PRTFDC1: variants seen among roughly 807,000 people sequenced by gnomAD.
The protein encoded by PRTFDC1 is phosphoribosyl transferase domain containing 1.
In PRTFDC1, 38 loss-of-function variants were observed where a neutral mutation model predicts 34.6. The ratio of observed to expected loss-of-function variants is 1.10; its 90% confidence interval spans 0.85 to 1.44. The LOEUF (loss-of-function observed/expected upper bound fraction) is 1.44, where lower values mean the gene tolerates loss of function less well. Among genes scored for constraint, PRTFDC1 ranks in the 40% most tolerant of loss-of-function variants. The pLI is 0.00. For synonymous variants in PRTFDC1, 93 were observed against 98.1 expected (o/e 0.95, Z 0.31); for missense variants, 270 against 283.0 (o/e 0.95, Z 0.33).
At position 24,952,522 on chromosome 10, in the gene PRTFDC1, A is replaced by G. The variant is rs1285557826; in HGVS notation, c.48+6T>C. The G allele has an allele frequency of 1.3e-6, 2 of 1,584,792 alleles. No individual in the cohort carries two copies. The highest frequency in any genetic ancestry group is 1.8e-5 in the Admixed American group (1 of 56,164). On this transcript the variant is annotated splice_donor_region_variant and intron_variant, in intron 1 of 8. Coordinates refer to ENST00000320152, the MANE Select transcript of PRTFDC1 (RefSeq NM_020200.7). This position sits in a 1 kb window ranked among gnomAD's most constrained non-coding sequence, Gnocchi z 5.1. ...CCGAGCCCCAAAATAGGGAGTTTGC[A>G]TTTACCACGACGCCTCGCCCGTAGT...
intron 3 of PRTFDC1, among the ~76,000 whole-genome samples, chr10:24,934,833 C>T (rs777923961): frequency 2.0e-4 from 31 of 152,212 alleles, no homozygotes; most frequent in Admixed American, 3.9e-4. Context: ...TCACAGGTTA[C>T]TTGTCACTCA....
At chr10:24,908,648 C>G (rs775817532) in intron 3 of PRTFDC1, 1 of 1,611,408 alleles carries the variant, frequency 6.2e-7, no homozygotes, top group Non-Finnish European at 8.5e-7. Context: ...CAGTCCTCCT[C>G]TATCACAGAT....
intron 3 of PRTFDC1, among the ~76,000 whole-genome samples, chr10:24,876,991 T>C (rs1384200907): frequency 6.6e-6 from 1 of 152,102 alleles, no homozygotes; most frequent in Non-Finnish European, 1.5e-5. Context: ...GCTTCTCCAT[T>C]CAAAGGCTTT....
intron 3 of PRTFDC1, among the ~76,000 whole-genome samples, chr10:24,877,998 G>C (rs893162209): frequency 3.3e-5 from 5 of 152,064 alleles, no homozygotes; most frequent in Non-Finnish European, 7.4e-5. Context: ...TTCCCAAAGA[G>C]AGCTGGGTGT....
intron 3 of PRTFDC1, among the ~76,000 whole-genome samples, chr10:24,925,321 G>C (rs922837723): frequency 1.3e-5 from 2 of 152,286 alleles, no homozygotes; most frequent in Admixed American, 1.3e-4. Flanking sequence ...GCCTGTGGAG[G>C]GGGTGTCGGG....
At chr10:24,893,541 C>T (rs1043430024) in intron 3 of PRTFDC1, among the ~76,000 whole-genome samples, 1 of 152,156 alleles carries the variant, frequency 6.6e-6, no homozygotes, top group Non-Finnish European at 1.5e-5. Flanking sequence ...AACTCCTGGC[C>T]TCAAGTGATC....
intron 3 of PRTFDC1, among the ~76,000 whole-genome samples, chr10:24,899,747 C>G (rs548164780): frequency 4.0e-4 from 61 of 152,264 alleles, no homozygotes; most frequent in African/African-American, 1.4e-3. Flanking sequence ...ATAATAGAGA[C>G]AGATGACAAT....
intron 3 of PRTFDC1, among the ~76,000 whole-genome samples, chr10:24,933,495 T>C (rs1848999583): frequency 6.6e-6 from 1 of 152,146 alleles, no homozygotes; most frequent in Admixed American, 6.6e-5. Context: ...TGTAACTATG[T>C]TCAAATCATC....
intron 3 of PRTFDC1, among the ~76,000 whole-genome samples, chr10:24,913,795 G>A (rs574374690): frequency 4.5e-4 from 69 of 152,174 alleles, no homozygotes; most frequent in Admixed American, 7.9e-4. Context: ...TAAAGGTCAG[G>A]AAACACACAA....
intron 3 of PRTFDC1, among the ~76,000 whole-genome samples, chr10:24,912,937 CAA>C (rs1445072333): frequency 5.3e-5 from 8 of 152,134 alleles, no homozygotes. Flanking sequence ...CCTTTCCACT[CAA>C]AAACTTCCAA....
chr10:24,906,456 C>T (rs1848536975), intron 3 of PRTFDC1, among the ~76,000 whole-genome samples: 2 of 152,116 alleles, frequency 1.3e-5, no homozygotes, highest in South Asian at 2.1e-4. Flanking sequence ...CATTTGAATG[C>T]TTACATCACA....
chr10:24,944,885 C>T (rs912852216), intron 1 of PRTFDC1, among the ~76,000 whole-genome samples: 4 of 152,142 alleles, frequency 2.6e-5, no homozygotes, highest in Non-Finnish European at 5.9e-5. Flanking sequence ...AGACCAGAGT[C>T]CTCACTGTGG....
intron 1 of PRTFDC1, among the ~76,000 whole-genome samples, chr10:24,950,043 CTT>C (rs1323428756): frequency 6.6e-6 from 1 of 152,092 alleles, no homozygotes; most frequent in Non-Finnish European, 1.5e-5. Context: ...CCTCTACTCT[CTT>C]GATACCCCTC....
At chr10:24,888,517 A>T (rs1848208015) in intron 3 of PRTFDC1, among the ~76,000 whole-genome samples, 1 of 152,216 alleles carries the variant, frequency 6.6e-6, no homozygotes, top group African/African-American at 2.4e-5. Context: ...GGAGTGAATT[A>T]AGGACAAAAC....
intron 3 of PRTFDC1, among the ~76,000 whole-genome samples, chr10:24,900,784 A>ATGT (rs1848437355): frequency 1.3e-5 from 2 of 152,240 alleles, no homozygotes; most frequent in Non-Finnish European, 2.9e-5. Context: ...TTAGAATTAA[A>ATGT]AAATAAATAA....
intron 4 of PRTFDC1, among the ~76,000 whole-genome samples, chr10:24,860,005 T>C (rs1477764165): frequency 2.6e-5 from 4 of 152,210 alleles, no homozygotes; most frequent in Non-Finnish European, 5.9e-5. Context: ...GTTTACTAAA[T>C]GGTGAGACTA....
chr10:24,932,570 A>G (rs941727305), intron 3 of PRTFDC1, among the ~76,000 whole-genome samples: 2 of 152,040 alleles, frequency 1.3e-5, no homozygotes, highest in African/African-American at 4.8e-5. Context: ...CATTAAATAT[A>G]TAAGTATATA....
At chr10:24,871,384 T>C (rs1325204666) in intron 4 of PRTFDC1, among the ~76,000 whole-genome samples, 1 of 152,224 alleles carries the variant, frequency 6.6e-6, no homozygotes, top group African/African-American at 2.4e-5. Flanking sequence ...GAAACAACTC[T>C]TCTTTCCAGT....
intron 4 of PRTFDC1, among the ~76,000 whole-genome samples, chr10:24,860,393 G>GA (rs1355294475): frequency 2.6e-5 from 4 of 151,934 alleles, no homozygotes; most frequent in African/African-American, 7.2e-5. Context: ...AAGAAAAAAA[G>GA]AAAAATCAGA....
Sources: allele counts gnomAD v4.1 joint callset (sites outside exome capture counted in the v4.1 genomes callset), GRCh38; gene constraint gnomAD v4.1.1; non-coding constraint Gnocchi (gnomAD v3.1); transcripts MANE v1.5; gene names NCBI Gene and HGNC (gene_info 2026-07-23, HGNC 2026-07-21).